MAN2B1: variants seen among roughly 807,000 people sequenced by gnomAD.
MAN2B1 encodes lysosomal alpha-mannosidase.
Under a neutral mutation model 127.5 loss-of-function variants are expected in MAN2B1, and 99 were observed. The observed-to-expected ratio is 0.78, with a 90% CI of 0.66 to 0.92. The LOEUF (loss-of-function observed/expected upper bound fraction) is 0.92. MAN2B1 is among the 40% of genes least tolerant of loss of function. The probability of loss-of-function intolerance (pLI) is 0.00; values close to 1 mark genes in which losing one functional copy is unlikely to be tolerated. For missense variants in MAN2B1, 1,304 were observed against 1,384.8 expected (o/e 0.94, Z 0.93); for synonymous variants, 573 against 568.8 (o/e 1.01, Z -0.11).
At chr19:12,653,087 GC>G (rs138115943) in intron 14 of MAN2B1, among the ~76,000 whole-genome samples, 2,776 of 150,582 alleles carry the variant, frequency 0.018, 96 homozygotes, top group African/African-American at 0.065. Flanking sequence ...ACCCGCCTTG[GC>G]CTCCCAAAGG....
At position 12,647,817 on chromosome 19, in the gene MAN2B1, A is replaced by C; in HGVS notation, c.2665-219T>G. The C allele has an allele frequency of 1.7e-6, 1 of 602,704 alleles. No homozygotes were observed. The highest frequency in any genetic ancestry group is 2.9e-6 in the Non-Finnish European group (1 of 340,588). The allele number at this position is 602,704 out of a possible 1,614,324, so 37.3% of individuals were successfully genotyped here. A position where few individuals can be genotyped will look rare whatever the true frequency, so the allele number is the denominator to read the frequency against. On this transcript the variant is annotated intron_variant, in intron 21 of 23. Coordinates refer to ENST00000456935, the MANE Select transcript of MAN2B1 (RefSeq NM_000528.4). The surrounding 1 kb of genome is among the most constrained non-coding windows in gnomAD (Gnocchi z 4.9). ...AAGCTTAGGGTTCGAGTCCCGATGG[A>C]GCAGAACTGATGTGACCTGAGACTT... is the stretch of plus-strand genomic sequence containing the variant.
In MAN2B1 at chr19:12,656,919, C is replaced by T. The variant is rs371385978; in HGVS notation, c.1527+30G>A. The T allele has an allele frequency of 1.9e-6, 3 of 1,563,936 alleles. No homozygotes were observed. In the African/African-American group the frequency reaches 4.1e-5, roughly 21 times the overall value. On this transcript the variant is annotated intron_variant, in intron 12 of 23. Transcript: ENST00000456935. ...ACTACCCCCTCTAAAGCCCATCTGC[C>T]CTAGATCCACCCCTCCCGTCCCGGC...
chr19:12,659,748 G>A (rs1266587240), intron 7 of MAN2B1, among the ~76,000 whole-genome samples: 1 of 152,112 alleles, frequency 6.6e-6, no homozygotes, highest in Non-Finnish European at 1.5e-5. Context: ...GAACCCAGGA[G>A]GCAGAGGTTG....
chr19:12,653,452 T>C (rs2023890111), intron 14 of MAN2B1, among the ~76,000 whole-genome samples: 1 of 151,956 alleles, frequency 6.6e-6, no homozygotes, highest in Admixed American at 6.6e-5. Flanking sequence ...TGGCCCCTTT[T>C]TTTCTCAATT....
At chr19:12,659,032 A>G in intron 7 of MAN2B1, 1 of 200,708 alleles carries the variant, frequency 5.0e-6, no homozygotes, top group South Asian at 7.8e-5. Context: ...AATTTTTTGC[A>G]TTTTTTAGTA....
At chr19:12,661,169 A>G (rs2024093180) in intron 7 of MAN2B1, 91 bp downstream of exon 7, 1 of 876,358 alleles carries the variant, frequency 1.1e-6, no homozygotes, top group South Asian at 1.3e-5. Flanking sequence ...AATAGAAAAC[A>G]AAGACAGCAC....
intron 7 of MAN2B1, 83 bp downstream of exon 7, chr19:12,661,177 C>T: frequency 2.2e-6 from 2 of 897,212 alleles, no homozygotes; most frequent in East Asian, 2.4e-5. Context: ...ACAAAGACAG[C>T]ACTGAGAGCT....
In MAN2B1 at chr19:12,652,034, A is replaced by G. The variant is rs896073970; in HGVS notation, c.2046+119T>C. ...CCCGCTGATCTGTGGGTCTTAGCCC[A>G]CTGATCTGAAGGAAAAGTAAATCCT... On this transcript the variant is annotated intron_variant, in intron 16 of 23. Transcript: ENST00000456935. 4 of 810,324 alleles carry G rather than the reference A, an allele frequency of 4.9e-6. No individual in the cohort carries two copies. In the African/African-American group the frequency reaches 6.7e-5, roughly 14 times the overall value. 50.2% of individuals were successfully genotyped at this position (810,324 alleles called of 1,614,324 possible).
At position 12,649,336 on chromosome 19, in the gene MAN2B1, G is replaced by C. The variant is rs770412137; in HGVS notation, c.2355+5C>G. 85 of 1,611,930 alleles carry C rather than the reference G, an allele frequency of 5.3e-5. No homozygotes were observed. The Admixed American group carries it at 8.8e-4, about 17-fold the overall frequency. On this transcript the variant is annotated splice_donor_5th_base_variant and intron_variant, in intron 19 of 23. Coordinates refer to ENST00000456935, the MANE Select transcript of MAN2B1 (RefSeq NM_000528.4). Reference sequence around the variant, plus strand: ...GTGGGGAGGTGCAGGATGGGGGAGAGCTACCGTGATGTAAATCCGGGTGTT... The same window carrying C: ...GTGGGGAGGTGCAGGATGGGGGAGACCTACCGTGATGTAAATCCGGGTGTT...
At chr19:12,663,500 C>G (rs1421891647) in intron 5 of MAN2B1, 38 bp from the exon 6 acceptor site, 11 of 1,609,790 alleles carry the variant, frequency 6.8e-6, no homozygotes, top group Non-Finnish European at 9.3e-6. Flanking sequence ...GGCCCATCAC[C>G]CAGACCTTCC....
chr19:12,649,137 A>G lies in MAN2B1; in HGVS notation c.2435T>C (p.Met812Thr), dbSNP rs762235411. The change falls in exon 20 of 24, where the codon ATG (methionine) becomes ACG (threonine). Residue 812 changes from methionine (M) to threonine (T), a missense_variant and splice_region_variant. Coordinates refer to ENST00000456935, the MANE Select transcript of MAN2B1 (RefSeq NM_000528.4). The part of the protein sequence containing the change: ...SSLRDGSLEL[M>T]VHRRLLKDDG... ...CGGATGGGGCTCTGACCCACTCACC[A>G]TGAGCTCCAGCGAGCCATCTCTCAG... is the stretch of plus-strand genomic sequence containing the variant. 4 of 1,611,860 alleles carry G rather than the reference A, an allele frequency of 2.5e-6. No homozygotes were observed. Among genetic ancestry groups the G allele is most frequent in the Non-Finnish European group, 3.4e-6 (4 of 1,179,720 alleles).
In MAN2B1 at chr19:12,657,495, A is replaced by ACG; in HGVS notation, c.1368_1369dup (p.Val457AlafsTer21). On this transcript the variant is annotated frameshift_variant, in exon 11 of 24. Transcript: ENST00000456935. LOFTEE classifies it high-confidence loss of function. ...AAGCTGGCGCGCGTAGTCGTTGGCCACGTGCTGGCGGGAGGTGCCGCTGAC... is the reference window on the plus strand; with the variant it reads ...AAGCTGGCGCGCGTAGTCGTTGGCCACGCGTGCTGGCGGGAGGTGCCGCTGAC... The ACG allele has an allele frequency of 6.4e-7, 1 of 1,572,676 alleles. No homozygotes were observed. Among genetic ancestry groups the ACG allele is most frequent in the Non-Finnish European group, 8.6e-7 (1 of 1,159,758 alleles).
chr19:12,654,727 T>G (rs2023918424), intron 14 of MAN2B1, among the ~76,000 whole-genome samples: 2 of 152,152 alleles, frequency 1.3e-5, no homozygotes, highest in Non-Finnish European at 2.9e-5. Flanking sequence ...CAGGCTGGAG[T>G]GCAGTGGCAT....
intron 13 of MAN2B1, 99 bp downstream of exon 13, chr19:12,656,472 G>T (rs2023960479): frequency 1.2e-6 from 1 of 801,538 alleles, no homozygotes; most frequent in Non-Finnish European, 2.2e-6. Context: ...TGCATGAGTG[G>T]GAGGTATTCA....
In MAN2B1 at chr19:12,647,152, A is replaced by C; in HGVS notation, c.2923+81T>G. On this transcript the variant is annotated intron_variant, in intron 23 of 23. Coordinates refer to ENST00000456935, the MANE Select transcript of MAN2B1 (RefSeq NM_000528.4). This position sits in a 1 kb window ranked among gnomAD's most constrained non-coding sequence, Gnocchi z 4.9. ...ATGACCTTTTTGGGTCCTGGCCAAC[A>C]TCCCATGCCTCACACATTGCCCCCA... 7.5e-7 allele frequency: 1 copy of C among 1,326,140 alleles called. No individual in the cohort carries two copies. The highest frequency in any genetic ancestry group is 1.1e-6 in the Non-Finnish European group (1 of 919,282). 82.1% of individuals were successfully genotyped at this position (1,326,140 alleles called of 1,614,324 possible). A position where few individuals can be genotyped will look rare whatever the true frequency, so the allele number is the denominator to read the frequency against.
At position 12,657,873 on chromosome 19, in the gene MAN2B1, T is replaced by C. The variant is rs888660571; in HGVS notation, c.1309+190A>G. 4.0e-5 allele frequency: 25 copies of C among 630,978 alleles called. No homozygotes were observed. The Admixed American group carries it at 7.5e-4, about 19-fold the overall frequency. The allele number at this position is 630,978 out of a possible 1,614,324, so 39.1% of individuals were successfully genotyped here. A position where few individuals can be genotyped will look rare whatever the true frequency, so the allele number is the denominator to read the frequency against. ...GGGAGGCTGAGTCAGGAGAATGGCG[T>C]GAACACGGGAGGTGGAGCTTGCAGT... On this transcript the variant is annotated intron_variant, in intron 10 of 23. Coordinates refer to ENST00000456935, the MANE Select transcript of MAN2B1 (RefSeq NM_000528.4).
At chr19:12,658,817 GA>G (rs1488992971) in intron 7 of MAN2B1, 2 of 410,400 alleles carry the variant, frequency 4.9e-6, no homozygotes, top group Admixed American at 7.3e-5. Context: ...TATAGGGCAG[GA>G]ATAATCGTTT....
At chr19:12,650,300 C>T in intron 16 of MAN2B1, 78 bp from the exon 17 acceptor site, 1 of 856,630 alleles carries the variant, frequency 1.2e-6, no homozygotes, top group South Asian at 1.3e-5. Context: ...CCAACCCTGG[C>T]CATAAACCCC....
intron 14 of MAN2B1, among the ~76,000 whole-genome samples, chr19:12,654,277 C>T (rs1470872045): frequency 1.3e-5 from 2 of 151,886 alleles, no homozygotes; most frequent in African/African-American, 2.4e-5. Flanking sequence ...CTCCTGACCT[C>T]GTGATCTGCC....
Sources: allele counts gnomAD v4.1 joint callset (sites outside exome capture counted in the v4.1 genomes callset), GRCh38; gene constraint gnomAD v4.1.1; non-coding constraint Gnocchi (gnomAD v3.1); transcripts MANE v1.5; gene names NCBI Gene and HGNC (gene_info 2026-07-23, HGNC 2026-07-21).